The following DNAAF9 variants were observed in gnomAD, a reference collection of about 807,000 sequenced individuals.
DNAAF9 encodes dynein axonemal assembly factor 9, also known as shulin.
Under a neutral mutation model 167.0 loss-of-function variants are expected in DNAAF9, and 90 were observed. The observed-to-expected ratio is 0.54, with a 90% CI of 0.45 to 0.64. DNAAF9 has a LOEUF of 0.64. Among genes scored for constraint, DNAAF9 ranks in the 30% least tolerant of loss-of-function variants. DNAAF9 has a pLI of 0.00. For synonymous variants in DNAAF9, 491 were observed against 508.8 expected (o/e 0.96, Z 0.47); for missense variants, 1,315 against 1,442.2 (o/e 0.91, Z 1.43).
chr20:3,337,967 AT>A (rs1385013439), intron 10 of DNAAF9, among the ~76,000 whole-genome samples: 3 of 125,766 alleles, frequency 2.4e-5, no homozygotes, highest in Non-Finnish European at 4.9e-5. Context: ...TGATATATAT[AT>A]ATAATATATA....
chr20:3,337,846 A>G (rs2069993015), intron 10 of DNAAF9, among the ~76,000 whole-genome samples: 1 of 151,816 alleles, frequency 6.6e-6, no homozygotes, highest in African/African-American at 2.4e-5. Context: ...CTATACAGTT[A>G]CTATTATTAG....
intron 12 of DNAAF9, among the ~76,000 whole-genome samples, chr20:3,328,177 G>A (rs1397375658): frequency 5.0e-5 from 6 of 118,998 alleles, no homozygotes; most frequent in Non-Finnish European, 7.3e-5. Context: ...AAGCCTGCAT[G>A]GCTCTGTTTT....
chr20:3,287,807 T>C lies in DNAAF9; in HGVS notation c.2328-17A>G. ...ACCATCCATCTGGAAAGGTAAAAGGTAACCTCTGCATGGGGGCCACCTGAT... is the reference window on the plus strand; with the variant it reads ...ACCATCCATCTGGAAAGGTAAAAGGCAACCTCTGCATGGGGGCCACCTGAT... On this transcript the variant is annotated splice_polypyrimidine_tract_variant and intron_variant, in intron 26 of 36. Transcript: ENST00000252032. The C allele has an allele frequency of 6.2e-7, 1 of 1,613,644 alleles. No individual in the cohort carries two copies. The highest frequency in any genetic ancestry group is 1.1e-5 in the South Asian group (1 of 91,046).
chr20:3,360,004 A>G (rs1212625331), intron 6 of DNAAF9: 2 of 155,032 alleles, frequency 1.3e-5, no homozygotes, highest in African/African-American at 4.8e-5. Context: ...CCAAACCCCC[A>G]CTAGTCTCAC....
chr20:3,306,929 C>T (rs2069308524), intron 20 of DNAAF9: 1 of 985,262 alleles, frequency 1.0e-6, no homozygotes, highest in African/African-American at 1.7e-5. Flanking sequence ...GAGGTAGAAA[C>T]TGCTCCTGCT....
At chr20:3,293,720 G>A (rs1341296140) in intron 25 of DNAAF9, among the ~76,000 whole-genome samples, 1 of 148,456 alleles carries the variant, frequency 6.7e-6, no homozygotes, top group Non-Finnish European at 1.5e-5. Flanking sequence ...TGTTTATAAA[G>A]TATCACTTTA....
intron 2 of DNAAF9, 90 bp downstream of exon 2, chr20:3,382,337 T>C (rs1289951742): frequency 2.1e-6 from 2 of 970,108 alleles, no homozygotes. Flanking sequence ...CACAGCTTAT[T>C]TCACATTGCT....
At chr20:3,358,207 G>A (rs1376463068) in intron 7 of DNAAF9, among the ~76,000 whole-genome samples, 1 of 151,968 alleles carries the variant, frequency 6.6e-6, no homozygotes, top group African/African-American at 2.4e-5. Flanking sequence ...TTTAGGGCTT[G>A]AGGGGAAGTC....
intron 34 of DNAAF9, among the ~76,000 whole-genome samples, chr20:3,255,588 G>A (rs1444301033): frequency 6.6e-6 from 1 of 152,094 alleles, no homozygotes; most frequent in Non-Finnish European, 1.5e-5. Context: ...CAGACAAAGG[G>A]GCAGTCTGAG....
At chr20:3,388,822 G>T (rs967593508) in intron 1 of DNAAF9, among the ~76,000 whole-genome samples, 10 of 152,186 alleles carry the variant, frequency 6.6e-5, no homozygotes, top group African/African-American at 2.4e-4. Context: ...TTGTTTAATA[G>T]GTACAGCTTC....
chr20:3,343,803 G>A, intron 8 of DNAAF9, 72 bp from the exon 9 acceptor site: 1 of 1,102,980 alleles, frequency 9.1e-7, no homozygotes, highest in Non-Finnish European at 1.4e-6. Flanking sequence ...CCTCACATAT[G>A]TATGTATGTA....
chr20:3,347,254 T>G (rs1455782779), intron 8 of DNAAF9, among the ~76,000 whole-genome samples: 1 of 152,056 alleles, frequency 6.6e-6, no homozygotes, highest in Non-Finnish European at 1.5e-5. Flanking sequence ...CTTTCAAGTA[T>G]CAAAAGGTAA....
chr20:3,252,364 C>T lies in DNAAF9; in HGVS notation c.*208G>A. 1 of 486,630 alleles carries T rather than the reference C, an allele frequency of 2.1e-6. No homozygotes were observed. Among genetic ancestry groups the T allele is most frequent in the East Asian group, 3.7e-5 (1 of 27,044 alleles). The allele number at this position is 486,630 out of a possible 1,614,324, so 30.1% of individuals were successfully genotyped here. On this transcript the variant is annotated 3_prime_UTR_variant, in exon 37 of 37. Coordinates refer to ENST00000252032, the MANE Select transcript of DNAAF9 (RefSeq NM_001009984.3). Reference sequence around the variant, plus strand: ...CCCATCTGCTCATCCTTGAGTATTCCCCCGACCCCCAAAATCAATGGTGCA... The same window carrying T: ...CCCATCTGCTCATCCTTGAGTATTCTCCCGACCCCCAAAATCAATGGTGCA...
At chr20:3,390,827 T>G (rs1306780340) in intron 1 of DNAAF9, among the ~76,000 whole-genome samples, 2 of 152,292 alleles carry the variant, frequency 1.3e-5, no homozygotes, top group African/African-American at 4.8e-5. Flanking sequence ...CCCCACTTTT[T>G]CATGTTTAAT....
intron 12 of DNAAF9, among the ~76,000 whole-genome samples, chr20:3,330,429 A>G (rs2069802396): frequency 6.6e-6 from 1 of 151,576 alleles, no homozygotes; most frequent in Non-Finnish European, 1.5e-5. Flanking sequence ...TTCTGTAGAG[A>G]CAGGGTCTGC....
rs544377326 is a variant in DNAAF9 at position 3,347,935 on chromosome 20, G to A, written c.789+590C>T. ...AGACTCCATTTCAAAGGTAAAATGCGTAACAACAAAGATCAATTCCAGCTC... is the reference window on the plus strand; with the variant it reads ...AGACTCCATTTCAAAGGTAAAATGCATAACAACAAAGATCAATTCCAGCTC... On this transcript the variant is annotated intron_variant, in intron 8 of 36. Transcript: ENST00000252032. Among the ~76,000 whole-genome samples, 11 of 152,020 alleles carry A rather than the reference G, an allele frequency of 7.2e-5. No individual in the cohort carries two copies. In the East Asian group the frequency reaches 1.2e-3, roughly 16 times the overall value.
intron 1 of DNAAF9, among the ~76,000 whole-genome samples, chr20:3,398,206 G>A (rs374792383): frequency 3.0e-4 from 45 of 152,274 alleles, no homozygotes; most frequent in African/African-American, 9.9e-4. Context: ...AGATATATTC[G>A]TAGGAGAATG....
chr20:3,379,222 C>A (rs1251920460), intron 3 of DNAAF9, among the ~76,000 whole-genome samples: 1 of 151,888 alleles, frequency 6.6e-6, no homozygotes, highest in Non-Finnish European at 1.5e-5. Flanking sequence ...TCTCTTAGAA[C>A]TCTGGTGTTA....
At chr20:3,397,083 C>CA (rs1442790353) in intron 1 of DNAAF9, among the ~76,000 whole-genome samples, 9 of 151,990 alleles carry the variant, frequency 5.9e-5, no homozygotes, top group African/African-American at 1.7e-4. Flanking sequence ...CCCGTCTCTA[C>CA]AAAAAACACA....
Sources: gnomAD v4.1 joint callset for allele counts (sites outside exome capture counted in the v4.1 genomes callset) on GRCh38, gnomAD v4.1.1 for gene constraint, MANE v1.5 for transcripts, NCBI Gene and HGNC (gene_info 2026-07-23, HGNC 2026-07-21) for gene names.